The following RBFOX1 variants were observed in gnomAD, a reference collection of about 807,000 sequenced individuals.
RBFOX1 encodes RNA binding fox-1 homolog 1.
RBFOX1 carries 8 observed loss-of-function variants against 57.7 expected under a neutral mutation model. That is an observed-to-expected ratio of 0.14 (90% CI 0.08 to 0.25). The LOEUF is 0.25. RBFOX1 is among the 10% of genes least tolerant of loss of function. The probability of loss-of-function intolerance (pLI) is 1.00; values close to 1 mark genes in which losing one functional copy is unlikely to be tolerated. For synonymous variants in RBFOX1, 326 were observed against 222.4 expected, an observed-to-expected ratio of 1.47 and a Z score of -4.15; for missense variants, 611 against 548.5, an observed-to-expected ratio of 1.11 and a Z score of -1.14.
At chr16:6,228,143 T>C (rs1315889679) in intron 1 of RBFOX1, among the ~76,000 whole-genome samples, 1 of 151,936 alleles carries the variant, frequency 6.6e-6, no homozygotes, top group Non-Finnish European at 1.5e-5. Flanking sequence ...AAACCCCATC[T>C]CTAGTAAAAA....
intron 4 of RBFOX1, among the ~76,000 whole-genome samples, chr16:7,479,349 T>G (rs953725124): frequency 6.6e-6 from 1 of 152,196 alleles, no homozygotes; most frequent in Non-Finnish European, 1.5e-5. Context: ...CAGGCTAGTC[T>G]TGAACTCCTG....
At chr16:5,742,760 T>C (rs1212722407) in intron 3 of RBFOX1, among the ~76,000 whole-genome samples, 1 of 152,206 alleles carries the variant, frequency 6.6e-6, no homozygotes, top group Non-Finnish European at 1.5e-5. Context: ...ATAGCGTTTA[T>C]GGAAGAAGGA....
chr16:6,974,449 A>G (rs766073284), intron 3 of RBFOX1, among the ~76,000 whole-genome samples: 8 of 142,920 alleles, frequency 5.6e-5, no homozygotes, highest in South Asian at 2.2e-4. Flanking sequence ...GGTTCAAGGA[A>G]TTATCCTGCC....
chr16:5,251,383 A>C (rs1461948838), intron 1 of RBFOX1, among the ~76,000 whole-genome samples: 1 of 152,206 alleles, frequency 6.6e-6, no homozygotes, highest in Non-Finnish European at 1.5e-5. Flanking sequence ...CGCAGTCAGC[A>C]CGTGTGGGGC....
intron 2 of RBFOX1, among the ~76,000 whole-genome samples, chr16:6,648,519 C>G (rs1013061704): frequency 3.3e-5 from 5 of 152,066 alleles, no homozygotes; most frequent in African/African-American, 1.2e-4. Context: ...AGTCTAATGC[C>G]AGGAGTCTAA....
At chr16:6,529,078 C>G (rs1039869966) in intron 2 of RBFOX1, among the ~76,000 whole-genome samples, 1 of 152,244 alleles carries the variant, frequency 6.6e-6, no homozygotes, top group Non-Finnish European at 1.5e-5. Flanking sequence ...TTCTTGTAAA[C>G]CGCCCCCAAA....
intron 3 of RBFOX1, among the ~76,000 whole-genome samples, chr16:6,795,778 G>GA (rs113767362): frequency 0.11 from 15,097 of 134,376 alleles, 1,862 homozygotes; most frequent in African/African-American, 0.31. Context: ...AATAAAAAAT[G>GA]AAAAAAAAAA....
intron 3 of RBFOX1, among the ~76,000 whole-genome samples, chr16:6,809,831 G>A (rs1177796003): frequency 1.3e-5 from 2 of 152,122 alleles, no homozygotes; most frequent in South Asian, 2.1e-4. Flanking sequence ...CTGGAAGAGT[G>A]CTGTCGTACC....
chr16:5,669,880 C>T (rs2049964794), intron 3 of RBFOX1, among the ~76,000 whole-genome samples: 1 of 152,152 alleles, frequency 6.6e-6, no homozygotes, highest in Admixed American at 6.5e-5. Flanking sequence ...AAGATTTGTA[C>T]ATGAATGTTC....
chr16:5,527,880 C>T lies in RBFOX1; in HGVS notation c.258+60626C>T, dbSNP rs563582380. On this transcript the variant is annotated intron_variant, in intron 2 of 2. Coordinates refer to the RBFOX1 transcript ENST00000585867. ...GCCACTCTAAGAAAATATTAGATATCGGTTTAATTGTAAAACATGGAGGCT... is the reference window on the plus strand; with the variant it reads ...GCCACTCTAAGAAAATATTAGATATTGGTTTAATTGTAAAACATGGAGGCT... Among the ~76,000 whole-genome samples the T allele has an allele frequency of 1.4e-3, 214 of 152,250 alleles. 2 individuals carry two copies. The highest frequency in any genetic ancestry group is 4.7e-3 in the African/African-American group (195 of 41,564).
intron 4 of RBFOX1, among the ~76,000 whole-genome samples, chr16:7,054,360 C>T (rs2051296168): frequency 1.3e-5 from 2 of 150,508 alleles, no homozygotes; most frequent in Middle Eastern, 3.5e-3. Context: ...GTGCCTCAGC[C>T]TCCAGAGTCG....
At chr16:6,421,871 A>AGACTGTG (rs1245795035) in intron 2 of RBFOX1, among the ~76,000 whole-genome samples, 1 of 150,816 alleles carries the variant, frequency 6.6e-6, no homozygotes. Flanking sequence ...CCCATCAAAT[A>AGACTGTG]GACTGTGGTC....
At chr16:6,555,318 C>A (rs138113897) in intron 2 of RBFOX1, among the ~76,000 whole-genome samples, 16 of 152,246 alleles carry the variant, frequency 1.1e-4, no homozygotes, top group African/African-American at 3.6e-4. Flanking sequence ...TAAAACCCAT[C>A]ATTTCCAGTG....
chr16:6,798,925 A>C (rs1353912572), intron 3 of RBFOX1, among the ~76,000 whole-genome samples: 2 of 152,142 alleles, frequency 1.3e-5, no homozygotes, highest in Non-Finnish European at 2.9e-5. Flanking sequence ...TCTTGTTTTT[A>C]ATATCTCAAG....
At chr16:6,581,334 C>T (rs189965607) in intron 2 of RBFOX1, among the ~76,000 whole-genome samples, 2 of 152,148 alleles carry the variant, frequency 1.3e-5, no homozygotes, top group East Asian at 1.9e-4. Context: ...ACCCAGCACC[C>T]TTGCCTTCCT....
chr16:6,039,980 A>T (rs1398048541), intron 1 of RBFOX1, among the ~76,000 whole-genome samples: 1 of 152,238 alleles, frequency 6.6e-6, no homozygotes, highest in Non-Finnish European at 1.5e-5. Context: ...AGGTGCTTAC[A>T]GCATGGCAGC....
chr16:6,131,141 G>T (rs2096626881), intron 1 of RBFOX1, among the ~76,000 whole-genome samples: 1 of 152,144 alleles, frequency 6.6e-6, no homozygotes, highest in Non-Finnish European at 1.5e-5. Context: ...CATTCCTTTA[G>T]AGCTTTGGGT....
At chr16:6,719,755 GT>G (rs760614746) in intron 3 of RBFOX1, among the ~76,000 whole-genome samples, 1 of 151,950 alleles carries the variant, frequency 6.6e-6, no homozygotes, top group Non-Finnish European at 1.5e-5. Context: ...CAAAATGATG[GT>G]TTTTTAAAGT....
intron 2 of RBFOX1, among the ~76,000 whole-genome samples, chr16:5,510,742 C>CA (rs1001114127): frequency 6.6e-6 from 1 of 152,148 alleles, no homozygotes; most frequent in Non-Finnish European, 1.5e-5. Context: ...GTATCAGCCT[C>CA]AGAACTATTG....
Sources: gnomAD v4.1 joint callset for allele counts (sites outside exome capture counted in the v4.1 genomes callset) on GRCh38, gnomAD v4.1.1 for gene constraint, MANE v1.5 for transcripts, NCBI Gene and HGNC (gene_info 2026-07-23, HGNC 2026-07-21) for gene names.